LHFPL3: variants seen among roughly 807,000 people sequenced by gnomAD.
The protein encoded by LHFPL3 is LHFPL tetraspan subfamily member 3.
In LHFPL3, 5 loss-of-function variants were observed where a neutral mutation model predicts 19.3. That is an observed-to-expected ratio of 0.26 (90% confidence interval 0.14 to 0.54). The LOEUF is 0.54. Ranked by LOEUF, LHFPL3 falls within the 20% of genes least tolerant of loss-of-function variation. The pLI, the probability that LHFPL3 is intolerant of heterozygous loss-of-function variation, is 0.94. For missense variants in LHFPL3, 249 were observed against 307.4 expected (o/e 0.81, Z 1.42); for synonymous variants, 133 against 126.2 (o/e 1.05, Z -0.36).
intron 1 of LHFPL3, chr7:104,668,413 A>G: frequency 6.2e-7 from 1 of 1,602,848 alleles, no homozygotes; most frequent in South Asian, 1.1e-5. Context: ...AGCTTTGGAG[A>G]CAAGTATCGA....
At chr7:104,376,957 A>G (rs1277392123) in intron 1 of LHFPL3, among the ~76,000 whole-genome samples, 1 of 152,128 alleles carries the variant, frequency 6.6e-6, no homozygotes, top group Admixed American at 6.6e-5. Context: ...TAATATTTTT[A>G]TGCATGATTT....
intron 2 of LHFPL3, among the ~76,000 whole-genome samples, chr7:104,822,152 G>A (rs955997161): frequency 1.3e-5 from 2 of 152,122 alleles, no homozygotes; most frequent in African/African-American, 2.4e-5. Context: ...GTTTGAAACC[G>A]GTTTCAATAG....
At chr7:104,711,219 G>A (rs1054985636) in intron 1 of LHFPL3, among the ~76,000 whole-genome samples, 16 of 152,180 alleles carry the variant, frequency 1.1e-4, no homozygotes, top group Admixed American at 2.0e-4. Context: ...AGATAGAAAC[G>A]AGACAGAGAG....
In LHFPL3 at chr7:104,821,033, A is replaced by C. The variant is rs188565305; in HGVS notation, c.682+84122A>C. ...TGCCTTCCAAGAGGCCTGCCTCCCA[A>C]AGTCACGCCTGTACTGCTAATTTAC... On this transcript the variant is annotated intron_variant, in intron 2 of 2. Transcript: ENST00000424859. Among the ~76,000 whole-genome samples, 41 of 152,226 alleles carry C rather than the reference A, an allele frequency of 2.7e-4. No individual in the cohort carries two copies. The East Asian group carries it at 6.4e-3, about 24-fold the overall frequency.
At chr7:104,451,520 C>T (rs538909837) in intron 1 of LHFPL3, among the ~76,000 whole-genome samples, 1 of 152,190 alleles carries the variant, frequency 6.6e-6, no homozygotes, top group South Asian at 2.1e-4. Context: ...TACATAAAAA[C>T]GATCAAACGA....
chr7:104,603,112 T>C (rs1295128929), intron 1 of LHFPL3, among the ~76,000 whole-genome samples: 4 of 142,268 alleles, frequency 2.8e-5, no homozygotes, highest in Non-Finnish European at 3.0e-5. Context: ...CTTTCTTTCT[T>C]TCTTTCTTTC....
At chr7:104,551,397 C>T (rs1794660942) in intron 1 of LHFPL3, among the ~76,000 whole-genome samples, 1 of 152,010 alleles carries the variant, frequency 6.6e-6, no homozygotes, top group African/African-American at 2.4e-5. Context: ...GGTTTGCAGG[C>T]AGGATCTGTA....
At chr7:104,687,835 C>T (rs1327653474) in intron 1 of LHFPL3, among the ~76,000 whole-genome samples, 1 of 152,160 alleles carries the variant, frequency 6.6e-6, no homozygotes, top group Non-Finnish European at 1.5e-5. Context: ...GAATGAGAAT[C>T]TTATATTTCC....
chr7:104,904,007 A>C (rs1298859887), intron 2 of LHFPL3, among the ~76,000 whole-genome samples: 1 of 152,208 alleles, frequency 6.6e-6, no homozygotes, highest in African/African-American at 2.4e-5. Context: ...GAAATTTCCA[A>C]ACTGCTTTCC....
intron 1 of LHFPL3, among the ~76,000 whole-genome samples, chr7:104,578,854 G>A (rs989276478): frequency 6.6e-6 from 1 of 151,908 alleles, no homozygotes; most frequent in Non-Finnish European, 1.5e-5. Flanking sequence ...TATCGAGAGT[G>A]GTCAGTCTAA....
chr7:104,609,326 A>G (rs552632945), intron 1 of LHFPL3, among the ~76,000 whole-genome samples: 2 of 152,286 alleles, frequency 1.3e-5, no homozygotes, highest in South Asian at 4.1e-4. Flanking sequence ...ATGGGGATTT[A>G]AACTCCTGTA....
chr7:104,847,397 G>GAGAT (rs1317294075), intron 2 of LHFPL3, among the ~76,000 whole-genome samples: 1 of 152,228 alleles, frequency 6.6e-6, no homozygotes, highest in Non-Finnish European at 1.5e-5. Flanking sequence ...GCAGAGTTTT[G>GAGAT]AGATACATCC....
At chr7:104,391,867 A>C (rs1791077212) in intron 1 of LHFPL3, among the ~76,000 whole-genome samples, 1 of 152,038 alleles carries the variant, frequency 6.6e-6, no homozygotes, top group Non-Finnish European at 1.5e-5. Context: ...TCATTGAGCA[A>C]TGGTTTGTAA....
intron 1 of LHFPL3, among the ~76,000 whole-genome samples, chr7:104,489,901 C>T (rs575622104): frequency 9.9e-5 from 15 of 152,224 alleles, no homozygotes; most frequent in African/African-American, 3.1e-4. Flanking sequence ...TTCATAGCCT[C>T]CTCACTGCTG....
chr7:104,893,045 A>G (rs1792283573), intron 2 of LHFPL3, among the ~76,000 whole-genome samples: 1 of 150,990 alleles, frequency 6.6e-6, no homozygotes, highest in African/African-American at 2.4e-5. Context: ...ATCTCTACAG[A>G]AAAAAAAATG....
intron 1 of LHFPL3, among the ~76,000 whole-genome samples, chr7:104,707,050 A>C (rs1793204193): frequency 6.6e-6 from 1 of 152,224 alleles, no homozygotes. Context: ...ATTTGACACC[A>C]AACATTCAAC....
intron 1 of LHFPL3, among the ~76,000 whole-genome samples, chr7:104,339,196 C>T (rs971006650): frequency 6.6e-6 from 1 of 151,780 alleles, no homozygotes; most frequent in Non-Finnish European, 1.5e-5. Context: ...TGCAGTGAGC[C>T]GAGATGTTGC....
In LHFPL3 at chr7:104,474,392, C is replaced by T. The variant is rs547166108; in HGVS notation, c.445+145168C>T. Among the ~76,000 whole-genome samples the T allele has an allele frequency of 7.3e-4, 111 of 151,868 alleles. 3 individuals are homozygous for T. In the South Asian group the frequency reaches 0.023, roughly 31 times the overall value. ...ATTAAGAAAGGGTCTTGGCCGGGTG[C>T]GGTGTCTCACGCCTGTAATCCCAGC... On this transcript the variant is annotated intron_variant, in intron 1 of 2. Transcript: ENST00000424859.
intron 1 of LHFPL3, among the ~76,000 whole-genome samples, chr7:104,575,770 C>T (rs1004853602): frequency 2.0e-5 from 3 of 151,962 alleles, no homozygotes; most frequent in African/African-American, 7.3e-5. Context: ...CCTCAGCCTC[C>T]CAAAGTGCTG....
Sources: gnomAD v4.1 joint callset for allele counts (sites outside exome capture counted in the v4.1 genomes callset) on GRCh38, gnomAD v4.1.1 for gene constraint, MANE v1.5 for transcripts, NCBI Gene and HGNC (gene_info 2026-07-23, HGNC 2026-07-21) for gene names.